Variants in SRRM3 observed in about 807,000 individuals in gnomAD.
SRRM3 encodes serine/arginine repetitive matrix 3.
A neutral mutation model predicts 66.2 loss-of-function variants in SRRM3; 27 were observed. The observed-to-expected ratio is 0.41, with a 90% CI of 0.30 to 0.56. The LOEUF is 0.56. SRRM3 is among the 20% of genes least tolerant of loss of function. SRRM3 has a pLI of 0.32. For missense variants in SRRM3, 918 were observed against 991.9 expected, an observed-to-expected ratio of 0.93 and a Z score of 1.00; for synonymous variants, 391 against 414.9, an observed-to-expected ratio of 0.94 and a Z score of 0.70.
intron 2 of SRRM3, among the ~76,000 whole-genome samples, chr7:76,236,477 G>A (rs1328610506): frequency 1.3e-5 from 2 of 152,122 alleles, no homozygotes; most frequent in Admixed American, 1.3e-4. Flanking sequence ...GGAGCCACAT[G>A]GGGCCAGACA....
intron 1 of SRRM3, among the ~76,000 whole-genome samples, chr7:76,202,817 G>T (rs1554600755): frequency 2.0e-5 from 3 of 152,108 alleles, no homozygotes; most frequent in Non-Finnish European, 4.4e-5. Context: ...CCCTCCCAGG[G>T]CTCCTGCCTG....
intron 11 of SRRM3, among the ~76,000 whole-genome samples, chr7:76,277,176 C>T (rs1802370270): frequency 6.6e-6 from 1 of 152,178 alleles, no homozygotes. Flanking sequence ...TCTGGATCAG[C>T]ACAGGGGATT....
chr7:76,272,690 C>T (rs907854092), intron 11 of SRRM3, among the ~76,000 whole-genome samples: 9 of 152,030 alleles, frequency 5.9e-5, no homozygotes, highest in Non-Finnish European at 8.8e-5. Flanking sequence ...CTACAGTGTC[C>T]GGGGCTGTCT....
At chr7:76,202,641 A>C (rs1800181464) in intron 1 of SRRM3, among the ~76,000 whole-genome samples, 1 of 152,150 alleles carries the variant, frequency 6.6e-6, no homozygotes, top group Non-Finnish European at 1.5e-5. Flanking sequence ...AAGAGAAAAT[A>C]GCTACTAGGA....
intron 1 of SRRM3, among the ~76,000 whole-genome samples, chr7:76,215,790 C>T (rs1800553333): frequency 7.2e-6 from 1 of 138,420 alleles, no homozygotes; most frequent in East Asian, 2.1e-4. Context: ...CCACACCTGG[C>T]TAATTTTTTT....
At chr7:76,257,474 G>A (rs575975727) in intron 3 of SRRM3, among the ~76,000 whole-genome samples, 38 of 151,142 alleles carry the variant, frequency 2.5e-4, no homozygotes, top group Admixed American at 1.9e-3. Flanking sequence ...AAGAAGGCCA[G>A]GCATGGTGGC....
chr7:76,205,795 C>T (rs900088772), intron 1 of SRRM3, among the ~76,000 whole-genome samples: 3 of 152,196 alleles, frequency 2.0e-5, no homozygotes, highest in African/African-American at 7.2e-5. Context: ...CCTATTTTCC[C>T]CCTTTAATTA....
intron 3 of SRRM3, among the ~76,000 whole-genome samples, chr7:76,251,766 A>AT (rs1193344488): frequency 1.3e-5 from 2 of 151,942 alleles, no homozygotes; most frequent in African/African-American, 4.8e-5. Flanking sequence ...CCCCATCTCT[A>AT]TTTAAAAAAA....
intron 1 of SRRM3, among the ~76,000 whole-genome samples, chr7:76,226,158 G>C (rs1427113267): frequency 6.6e-6 from 1 of 152,220 alleles, no homozygotes; most frequent in Non-Finnish European, 1.5e-5. Flanking sequence ...GAAACAGGCT[G>C]GACCCTGCAG....
chr7:76,237,720 C>T (rs1391103285), intron 2 of SRRM3, among the ~76,000 whole-genome samples: 1 of 152,112 alleles, frequency 6.6e-6, no homozygotes, highest in Non-Finnish European at 1.5e-5. Flanking sequence ...TCCTGCTCCT[C>T]CTCCTCCCAG....
At chr7:76,257,182 G>T (rs1027818567) in intron 3 of SRRM3, among the ~76,000 whole-genome samples, 27 of 152,090 alleles carry the variant, frequency 1.8e-4, no homozygotes, top group African/African-American at 6.5e-4. Context: ...AGTTGCTCTG[G>T]TTCACATGCC....
At chr7:76,211,028 G>A (rs1800418820) in intron 1 of SRRM3, among the ~76,000 whole-genome samples, 1 of 152,104 alleles carries the variant, frequency 6.6e-6, no homozygotes, top group African/African-American at 2.4e-5. Context: ...TGGGTAGGCT[G>A]GTCTCGAACT....
At chr7:76,250,405 T>G (rs1185351468) in intron 3 of SRRM3, among the ~76,000 whole-genome samples, 1 of 151,934 alleles carries the variant, frequency 6.6e-6, no homozygotes, top group African/African-American at 2.4e-5. Flanking sequence ...CTAATTTTTT[T>G]GTATTTTTAG....
chr7:76,274,127 G>T (rs1391009561), intron 11 of SRRM3, among the ~76,000 whole-genome samples: 1 of 152,258 alleles, frequency 6.6e-6, no homozygotes, highest in Non-Finnish European at 1.5e-5. Context: ...GGGCCCTTTC[G>T]GGCAAAAGGC....
intron 3 of SRRM3, among the ~76,000 whole-genome samples, chr7:76,255,433 G>A (rs1801691131): frequency 6.6e-6 from 1 of 151,968 alleles, no homozygotes; most frequent in Admixed American, 6.6e-5. Context: ...ATAGGCATGA[G>A]CCACCACGCC....
chr7:76,238,692 G>T (rs7779012), intron 2 of SRRM3, among the ~76,000 whole-genome samples: 2 of 151,964 alleles, frequency 1.3e-5, no homozygotes, highest in Non-Finnish European at 2.9e-5. Context: ...ATGGATTCTC[G>T]CTGTGTCACC....
At chr7:76,213,454 G>C (rs1554602049) in intron 1 of SRRM3, among the ~76,000 whole-genome samples, 2 of 152,154 alleles carry the variant, frequency 1.3e-5, no homozygotes, top group African/African-American at 4.8e-5. Flanking sequence ...TGGAGGCACG[G>C]AGAGGTAAAT....
At chr7:76,270,852 G>A (rs2117086873) in intron 11 of SRRM3, among the ~76,000 whole-genome samples, 1 of 151,348 alleles carries the variant, frequency 6.6e-6, no homozygotes, top group East Asian at 1.9e-4. Context: ...GTGGGCACCT[G>A]TAAAACCAGC....
intron 10 of SRRM3, among the ~76,000 whole-genome samples, chr7:76,265,894 A>G (rs1802013295): frequency 3.4e-5 from 1 of 29,466 alleles, no homozygotes; most frequent in Non-Finnish European, 4.4e-5. Flanking sequence ...TTTGAGACGG[A>G]GTCTCGCTCT....
Sources: gnomAD v4.1 joint callset for allele counts (sites outside exome capture counted in the v4.1 genomes callset) on GRCh38, gnomAD v4.1.1 for gene constraint, MANE v1.5 for transcripts, NCBI Gene and HGNC (gene_info 2026-07-23, HGNC 2026-07-21) for gene names.